The following DDB2 variants were observed in gnomAD, a reference collection of about 807,000 sequenced individuals.
DDB2 encodes the protein DNA damage-binding protein 2.
In DDB2, 27 loss-of-function variants were observed where a neutral mutation model predicts 50.5. That is an observed-to-expected ratio of 0.53 (90% CI 0.39 to 0.74). The LOEUF (loss-of-function observed/expected upper bound fraction) is 0.74. Among genes scored for constraint, DDB2 ranks in the 30% least tolerant of loss-of-function variants. The pLI, the probability that DDB2 is intolerant of heterozygous loss-of-function variation, is 0.00. For synonymous variants in DDB2, 176 were observed against 205.5 expected (o/e 0.86, Z 1.23); for missense variants, 424 against 545.6 (o/e 0.78, Z 2.22).
At chr11:47,229,019 A>ATCTATCTATCTATCTATCTC in intron 3 of DDB2, among the ~76,000 whole-genome samples, 1 of 143,386 alleles carries the variant, frequency 7.0e-6, no homozygotes, top group African/African-American at 2.6e-5. Flanking sequence ...CTATCTATCT[A>ATCTATCTATCTATCTATCTC]TCTTCCTCTT....
chr11:47,215,014 T>G lies in DDB2; in HGVS notation c.-123T>G, dbSNP rs565058800. ...TGGGCATGTTTGGCGGGAAGTTGGC[T>G]TAGCTCGGCTACCTGTGGCCCCGCA... On this transcript the variant is annotated 5_prime_UTR_variant, in exon 1 of 10. Transcript: ENST00000256996. 4,279 of 1,475,844 alleles carry G rather than the reference T, an allele frequency of 2.9e-3. 12 individuals carry two copies. The highest frequency in any genetic ancestry group is 3.4e-3 in the Non-Finnish European group (3,560 of 1,060,796). The allele number at this position is 1,475,844 out of a possible 1,614,324, so 91.4% of individuals were successfully genotyped here.
At position 47,235,354 on chromosome 11, in the gene DDB2, G is replaced by T. The variant is rs1237996732; in HGVS notation, c.965G>T (p.Cys322Phe). The T allele has an allele frequency of 6.2e-7, 1 of 1,613,664 alleles. No homozygotes were observed. Among genetic ancestry groups the T allele is most frequent in the South Asian group, 1.1e-5 (1 of 91,088 alleles). Residue 322 changes from cysteine to phenylalanine, a missense_variant, in exon 7 of 10, where the codon TGC becomes TTC. Physicochemically the swap from Cys to Phe is radical, Grantham distance 205. Transcript: ENST00000256996. ...IRVYSASQWD[C>F]PLGLIPHPHR... is the part of the protein sequence containing the mutation. ...GTTTACTCTGCTTCCCAGTGGGACTGCCCCCTGGGCCTGATCCCGCACCCT... is the reference window on the plus strand; with the variant it reads ...GTTTACTCTGCTTCCCAGTGGGACTTCCCCCTGGGCCTGATCCCGCACCCT...
chr11:47,232,500 G>C lies in DDB2; in HGVS notation c.457-314G>C, dbSNP rs830083. 0.73 allele frequency among the ~76,000 whole-genome samples: 109,859 copies of C among 150,114 alleles called. 41,434 individuals carry two copies. The highest frequency in any genetic ancestry group is 0.84 in the Non-Finnish European group (57,113 of 67,792). ...AACCCCATCTTAAAAAAAAAAAATA[G>C]AAAAATTAGCTGGGCATGGTGGCAC... On this transcript the variant is annotated intron_variant, in intron 3 of 9. Transcript: ENST00000256996.
chr11:47,229,818 C>CTTTTTTTTTTTT (rs11376360), intron 3 of DDB2: 4 of 329,654 alleles, frequency 1.2e-5, no homozygotes, highest in Non-Finnish European at 1.1e-5. Flanking sequence ...GATGGCTCTT[C>CTTTTTTTTTTTT]TTTTTTTTTT....
chr11:47,235,549 T>C, intron 7 of DDB2, 137 bp downstream of exon 7: 3 of 852,364 alleles, frequency 3.5e-6, no homozygotes, highest in Non-Finnish European at 5.7e-6. Context: ...AGAGCATCTC[T>C]TACCCATTGG....
In DDB2 at chr11:47,234,779, AAAAG is replaced by A. The variant is rs1336484333; in HGVS notation, c.730_733del (p.Lys244Ter). 2.5e-6 allele frequency: 4 copies of A among 1,614,072 alleles called. No individual in the cohort carries two copies. The highest frequency in any genetic ancestry group is 2.5e-6 in the Non-Finnish European group (3 of 1,180,048). On this transcript the variant is annotated frameshift_variant, in exon 6 of 10. Coordinates refer to ENST00000256996, the MANE Select transcript of DDB2 (RefSeq NM_000107.3). LOFTEE classifies it high-confidence loss of function. ...CAGCTTTGGAATCTCAGAATGCACAAAAAGAAAGTGACGCATGTGGCCCTGAACC... is the reference window on the plus strand; with the variant it reads ...CAGCTTTGGAATCTCAGAATGCACAAAAAGTGACGCATGTGGCCCTGAACC...
In DDB2 at chr11:47,217,068, C is replaced by G; in HGVS notation, c.456+19C>G. On this transcript the variant is annotated intron_variant, in intron 3 of 9. Coordinates refer to ENST00000256996, the MANE Select transcript of DDB2 (RefSeq NM_000107.3). ...CAAAGGGGTGAGCAGTTCCCCATGC[C>G]AGGTCGTGCTAAAGAAGTGTTTGTT... 1 of 1,609,002 alleles carries G rather than the reference C, an allele frequency of 6.2e-7. No homozygotes were observed. The highest frequency in any genetic ancestry group is 8.5e-7 in the Non-Finnish European group (1 of 1,175,726).
chr11:47,216,207 G>T (rs751123153), intron 1 of DDB2, 129 bp from the exon 2 acceptor site: 85 of 1,410,766 alleles, frequency 6.0e-5, no homozygotes, highest in Non-Finnish European at 7.9e-5. Context: ...ACACAGACAT[G>T]GAAAGGCCGC....
intron 3 of DDB2, among the ~76,000 whole-genome samples, chr11:47,219,643 G>C (rs954412734): frequency 5.3e-5 from 8 of 152,122 alleles, no homozygotes; most frequent in Non-Finnish European, 1.2e-4. Flanking sequence ...GAGCCACTGT[G>C]CTGGGCCTCT....
intron 3 of DDB2, among the ~76,000 whole-genome samples, chr11:47,226,364 C>T (rs1953558205): frequency 6.6e-6 from 1 of 151,572 alleles, no homozygotes; most frequent in South Asian, 2.1e-4. Context: ...CAACCTCTGC[C>T]TCCTGAGTTC....
chr11:47,232,816 T>C lies in DDB2; in HGVS notation c.459T>C (p.Ile153=), dbSNP rs1451587091. 1 of 1,613,596 alleles carries C rather than the reference T, an allele frequency of 6.2e-7. No homozygotes were observed. The highest frequency in any genetic ancestry group is 1.7e-5 in the Admixed American group (1 of 60,012). ...GGCTTTTTCCTTCCTCGTGTTAGAT[T>C]GGAGCTGGAGGGAGCATCACTGGGC... The part of the protein sequence containing the change: ...IKDKPTFIKG[I]GAGGSITGLK... Residue 153 remains isoleucine, a splice_region_variant and synonymous_variant, in exon 4 of 10, where the codon ATT becomes ATC. Coordinates refer to ENST00000256996, the MANE Select transcript of DDB2 (RefSeq NM_000107.3).
intron 1 of DDB2, 34 bp downstream of exon 1, chr11:47,215,297 C>G: frequency 6.2e-7 from 1 of 1,613,280 alleles, no homozygotes; most frequent in Non-Finnish European, 8.5e-7. Flanking sequence ...AATATTTCCG[C>G]CTTTTAGGGT....
rs1953702034 is a variant in DDB2, at chr11:47,234,906, G to A, written c.852G>A (p.Ser284=). 3.1e-6 allele frequency: 5 copies of A among 1,614,080 alleles called. No individual in the cohort carries two copies. Among genetic ancestry groups the A allele is most frequent in the East Asian group, 4.5e-5 (2 of 44,898 alleles). The change falls in exon 6 of 10, where the codon TCG becomes TCA. Residue 284 remains serine, a synonymous_variant. Coordinates refer to ENST00000256996, the MANE Select transcript of DDB2 (RefSeq NM_000107.3). ...QVRGKASFLY[S]LPHRHPVNAA... ...GAGGGAAAGCCAGCTTCCTCTACTC[G>A]CTGCCGCACAGGCATCCTGTCAACG...
intron 3 of DDB2, among the ~76,000 whole-genome samples, chr11:47,225,694 C>T (rs1347889734): frequency 6.6e-6 from 1 of 152,100 alleles, no homozygotes; most frequent in African/African-American, 2.4e-5. Context: ...ACTATATTCA[C>T]ATTGTTGTGC....
intron 3 of DDB2, among the ~76,000 whole-genome samples, chr11:47,219,891 G>A (rs1417589986): frequency 2.0e-5 from 3 of 152,234 alleles, no homozygotes; most frequent in South Asian, 4.2e-4. Flanking sequence ...AGGTTCACGC[G>A]ATTCTCCTGC....
At chr11:47,229,085 A>G (rs973173398) in intron 3 of DDB2, among the ~76,000 whole-genome samples, 1 of 151,518 alleles carries the variant, frequency 6.6e-6, no homozygotes, top group African/African-American at 2.4e-5. Flanking sequence ...ATTAGGTAGG[A>G]TCAAGCAAGA....
intron 2 of DDB2, 116 bp from the exon 3 acceptor site, chr11:47,216,742 G>A: frequency 8.7e-7 from 1 of 1,154,800 alleles, no homozygotes; most frequent in Non-Finnish European, 1.3e-6. Flanking sequence ...CAGGCAGTTA[G>A]CTTTCCTTTG....
In DDB2 at chr11:47,234,816, T is replaced by C; in HGVS notation, c.762T>C (p.Cys254=). 1 of 1,614,168 alleles carries C rather than the reference T, an allele frequency of 6.2e-7. No homozygotes were observed. Among genetic ancestry groups the C allele is most frequent in the Non-Finnish European group, 8.5e-7 (1 of 1,180,010 alleles). The change falls in exon 6 of 10, where the codon TGT becomes TGC. Residue 254 remains cysteine (C), a synonymous_variant. Transcript: ENST00000256996. ...KVTHVALNPC[C]DWFLATASVD... Reference sequence around the variant, plus strand: ...CGCATGTGGCCCTGAACCCATGCTGTGATTGGTTCCTGGCCACAGCCTCCG... The same window carrying C: ...CGCATGTGGCCCTGAACCCATGCTGCGATTGGTTCCTGGCCACAGCCTCCG...
chr11:47,218,290 G>A (rs894122947), intron 3 of DDB2, among the ~76,000 whole-genome samples: 3 of 152,204 alleles, frequency 2.0e-5, no homozygotes, highest in East Asian at 1.9e-4. Flanking sequence ...TATTCCCAGT[G>A]CCTGGAACAA....
Sources: allele counts gnomAD v4.1 joint callset (sites outside exome capture counted in the v4.1 genomes callset), GRCh38; gene constraint gnomAD v4.1.1; transcripts MANE v1.5; gene names NCBI Gene and HGNC (gene_info 2026-07-23, HGNC 2026-07-21).